The following STK10 variants were observed in gnomAD, a reference collection of about 807,000 sequenced individuals.
STK10 encodes the protein serine/threonine kinase 10, also known as serine/threonine-protein kinase 10.
A neutral mutation model predicts 113.8 loss-of-function variants in STK10; 78 were observed. The observed-to-expected ratio is 0.69, with a 90% CI of 0.57 to 0.83. The LOEUF (loss-of-function observed/expected upper bound fraction) is 0.83. STK10 is among the 40% of genes least tolerant of loss of function. The pLI, the probability that STK10 is intolerant of heterozygous loss-of-function variation, is 0.00. For synonymous variants in STK10, 465 were observed against 494.7 expected (o/e 0.94, Z 0.80); for missense variants, 1,109 against 1,280.1 (o/e 0.87, Z 2.04).
At chr5:172,180,046 G>C (rs942332848) in intron 1 of STK10, among the ~76,000 whole-genome samples, 2 of 152,244 alleles carry the variant, frequency 1.3e-5, no homozygotes, top group Non-Finnish European at 2.9e-5. Context: ...AGGGGTCTAA[G>C]AGGACTTGGG....
chr5:172,096,700 A>G, intron 7 of STK10, 140 bp from the exon 8 acceptor site: 1 of 1,191,408 alleles, frequency 8.4e-7, no homozygotes, highest in Non-Finnish European at 1.2e-6. Flanking sequence ...GGAGACCCAG[A>G]GACAGCCTGG....
chr5:172,065,569 A>G (rs1380246033), intron 12 of STK10, among the ~76,000 whole-genome samples: 1 of 152,140 alleles, frequency 6.6e-6, no homozygotes, highest in African/African-American at 2.4e-5. Flanking sequence ...CCTGAGGTCC[A>G]GGTGAACTGA....
intron 1 of STK10, among the ~76,000 whole-genome samples, chr5:172,186,201 G>A (rs879584012): frequency 2.6e-5 from 4 of 152,116 alleles, no homozygotes; most frequent in Non-Finnish European, 5.9e-5. Flanking sequence ...TTGAACCCAG[G>A]AAGTGGAGGT....
At chr5:172,137,404 C>A (rs1769885508) in intron 2 of STK10, among the ~76,000 whole-genome samples, 1 of 151,718 alleles carries the variant, frequency 6.6e-6, no homozygotes, top group Non-Finnish European at 1.5e-5. Context: ...GTTCAACATT[C>A]AAAAATCTAT....
At chr5:172,098,451 G>T (rs1036577958) in intron 7 of STK10, among the ~76,000 whole-genome samples, 3 of 152,170 alleles carry the variant, frequency 2.0e-5, no homozygotes, top group African/African-American at 7.2e-5. Flanking sequence ...GACTGAGCTT[G>T]TTGGGCGGCA....
chr5:172,046,678 G>A (rs1190650532), intron 18 of STK10, among the ~76,000 whole-genome samples: 1 of 152,072 alleles, frequency 6.6e-6, no homozygotes, highest in African/African-American at 2.4e-5. Flanking sequence ...TCTTTTTTCT[G>A]TTATGTGACA....
intron 12 of STK10, among the ~76,000 whole-genome samples, chr5:172,077,750 G>GTT (rs35528776): frequency 1.4e-5 from 2 of 146,454 alleles, no homozygotes; most frequent in African/African-American, 5.0e-5. Flanking sequence ...AATCTTATTG[G>GTT]TTTTTTTTTT....
intron 2 of STK10, among the ~76,000 whole-genome samples, chr5:172,147,933 C>A (rs1025611169): frequency 6.6e-6 from 1 of 152,168 alleles, no homozygotes; most frequent in African/African-American, 2.4e-5. Flanking sequence ...CGGATGAAAA[C>A]CAATATACAT....
chr5:172,076,926 T>G (rs1005542508), intron 12 of STK10, among the ~76,000 whole-genome samples: 1 of 108,174 alleles, frequency 9.2e-6, no homozygotes, highest in African/African-American at 4.8e-5. Flanking sequence ...AAAGGATTTC[T>G]GCCAAAGGCA....
At chr5:172,110,019 AC>A (rs1769202631) in intron 4 of STK10, among the ~76,000 whole-genome samples, 1 of 152,228 alleles carries the variant, frequency 6.6e-6, no homozygotes, top group Admixed American at 6.5e-5. Flanking sequence ...ATACGGGAGA[AC>A]TTGGTTCCAG....
rs781578672 is a variant in STK10 at position 172,106,635 on chromosome 5, A to G, written c.773T>C (p.Leu258Pro). Residue 258 changes from leucine (L) to proline (P), a missense_variant, in exon 6 of 19, where the codon CTC (leucine) becomes CCC (proline). By Grantham distance (98) the Leu-to-Pro change is moderately conservative. Coordinates refer to ENST00000176763, the MANE Select transcript of STK10 (RefSeq NM_005990.4). ...TGCCCCTCACCACTTAGAGGGCGTG[A>G]GCAGCGTGGGAGGGTCCGACTTGGC... ...KIAKSDPPTLLTPSKWSVEFR... is the reference protein window; with the variant it reads ...KIAKSDPPTLPTPSKWSVEFR... 11 of 1,612,558 alleles carry G rather than the reference A, an allele frequency of 6.8e-6. 1 individual carries two copies. In the South Asian group the frequency reaches 9.9e-5, roughly 14 times the overall value.
intron 7 of STK10, among the ~76,000 whole-genome samples, chr5:172,100,508 C>T (rs546845272): frequency 1.1e-4 from 16 of 152,154 alleles, no homozygotes; most frequent in Non-Finnish European, 1.6e-4. Flanking sequence ...CCAAAAAGGC[C>T]AGGCATGGTG....
intron 12 of STK10, among the ~76,000 whole-genome samples, chr5:172,074,975 G>A (rs1261040527): frequency 6.6e-6 from 1 of 151,712 alleles, no homozygotes; most frequent in Non-Finnish European, 1.5e-5. Context: ...AGCTGAGATT[G>A]CACCACTGCA....
chr5:172,137,215 C>A (rs1769881071), intron 2 of STK10, among the ~76,000 whole-genome samples: 1 of 152,080 alleles, frequency 6.6e-6, no homozygotes, highest in African/African-American at 2.4e-5. Context: ...GAGAATGTGG[C>A]CCAGCAGGTC....
At chr5:172,084,301 G>A (rs964027271) in intron 10 of STK10, among the ~76,000 whole-genome samples, 2 of 152,098 alleles carry the variant, frequency 1.3e-5, no homozygotes, top group South Asian at 4.1e-4. Flanking sequence ...TTAAGAGGCT[G>A]AGGCAAGAGA....
rs1329085329 is a variant in STK10, at chr5:172,093,403, C to T, written c.1554+9G>A. 6 of 1,575,698 alleles carry T rather than the reference C, an allele frequency of 3.8e-6. No homozygotes were observed. The highest frequency in any genetic ancestry group is 4.5e-5 in the East Asian group (2 of 44,160). ...TGCTGCAAGCCCGTGGTGGCAGAGG[C>T]GGTGTTACCTTGATGGACAGAGAGC... On this transcript the variant is annotated intron_variant, in intron 9 of 18. Coordinates refer to ENST00000176763, the MANE Select transcript of STK10 (RefSeq NM_005990.4). This position sits in a 1 kb window ranked among gnomAD's most constrained non-coding sequence, Gnocchi z 4.1.
intron 12 of STK10, among the ~76,000 whole-genome samples, chr5:172,081,441 T>C (rs1768426790): frequency 1.3e-5 from 2 of 151,942 alleles, no homozygotes; most frequent in South Asian, 4.2e-4. Flanking sequence ...AGCACATCTG[T>C]GTACAGCATG....
chr5:172,119,075 T>C (rs1769448530), intron 3 of STK10, among the ~76,000 whole-genome samples: 1 of 151,722 alleles, frequency 6.6e-6, no homozygotes, highest in Non-Finnish European at 1.5e-5. Context: ...AGCCTTTTGT[T>C]CTTTATGGGG....
At chr5:172,153,419 A>G (rs928226048) in intron 2 of STK10, among the ~76,000 whole-genome samples, 10 of 152,212 alleles carry the variant, frequency 6.6e-5, no homozygotes, top group African/African-American at 2.4e-4. Flanking sequence ...TGATATTCAA[A>G]AGCAGAAGTA....
Sources: gnomAD v4.1 joint callset for allele counts (sites outside exome capture counted in the v4.1 genomes callset) on GRCh38, gnomAD v4.1.1 for gene constraint, Gnocchi (gnomAD v3.1) non-coding constraint, MANE v1.5 for transcripts, NCBI Gene and HGNC (gene_info 2026-07-23, HGNC 2026-07-21) for gene names.